ETF1: variants seen among roughly 807,000 people sequenced by gnomAD.
ETF1 encodes eukaryotic translation termination factor 1, also known as eukaryotic peptide chain release factor subunit 1.
In ETF1, 4 loss-of-function variants were observed where a neutral mutation model predicts 55.1. That is an observed-to-expected ratio of 0.07 (90% CI 0.04 to 0.17). ETF1 has a LOEUF of 0.17. ETF1 is among the 10% of genes least tolerant of loss of function. The pLI is 1.00. For missense variants in ETF1, 142 were observed against 523.6 expected (o/e 0.27, Z 7.11); for synonymous variants, 157 against 182.3 (o/e 0.86, Z 1.12).
intron 2 of ETF1, chr5:138,541,594 T>G (rs368283209): frequency 6.5e-7 from 1 of 1,531,538 alleles, no homozygotes; most frequent in Admixed American, 2.0e-5. Flanking sequence ...TTGGAGGGGC[T>G]GTCATTCTAA....
chr5:138,540,243 T>C (rs567268150), intron 2 of ETF1, among the ~76,000 whole-genome samples: 3 of 152,148 alleles, frequency 2.0e-5, no homozygotes, highest in Non-Finnish European at 4.4e-5. Flanking sequence ...GAAAGGGCTT[T>C]TTCATTTCCA....
intron 2 of ETF1, among the ~76,000 whole-genome samples, chr5:138,535,315 G>A (rs1765873714): frequency 7.0e-6 from 1 of 143,710 alleles, no homozygotes. Context: ...TGGGGAAACT[G>A]AAGCCCATGG....
At chr5:138,518,964 A>T (rs556703632) in intron 2 of ETF1, 97 bp from the exon 3 acceptor site, 2 of 1,550,028 alleles carry the variant, frequency 1.3e-6, no homozygotes, top group South Asian at 2.5e-5. Flanking sequence ...GATGCCCCAA[A>T]GTTATGGAAA....
chr5:138,542,758 A>G, intron 2 of ETF1, 75 bp downstream of exon 2: 2 of 1,579,022 alleles, frequency 1.3e-6, no homozygotes, highest in South Asian at 2.3e-5. Flanking sequence ...TCATCCGGCC[A>G]TGCGGCGCGG....
Position 138,518,759 on chromosome 5 carries a change from T to C in ETF1, c.195A>G (p.Arg65=). ...EFGTASNIKS[R]VNRLSVLGAI... is the part of the protein sequence containing the mutation. ...CTCCCAGGACTGAAAGGCGGTTTAC[T>C]CGTGACTTAATGTTAGATGCAGTTC... is the stretch of plus-strand genomic sequence containing the variant. Residue 65 remains arginine, a synonymous_variant, in exon 3 of 11, where the codon CGA becomes CGG. Coordinates refer to ENST00000360541, the MANE Select transcript of ETF1 (RefSeq NM_004730.4). 1 of 1,614,022 alleles carries C rather than the reference T, an allele frequency of 6.2e-7. No homozygotes were observed. Among genetic ancestry groups the C allele is most frequent in the Non-Finnish European group, 8.5e-7 (1 of 1,179,830 alleles).
chr5:138,523,143 C>T (rs867895366), intron 2 of ETF1, among the ~76,000 whole-genome samples: 2 of 151,414 alleles, frequency 1.3e-5, no homozygotes, highest in African/African-American at 2.4e-5. Context: ...CCAAGGTGGG[C>T]GGATCACGAG....
intron 9 of ETF1, among the ~76,000 whole-genome samples, chr5:138,509,423 C>T (rs1269205710): frequency 3.9e-5 from 6 of 152,150 alleles, no homozygotes; most frequent in Non-Finnish European, 8.8e-5. Context: ...GAAATGTTTT[C>T]CTGATTGCTT....
intron 2 of ETF1, among the ~76,000 whole-genome samples, chr5:138,519,814 A>C (rs1334423966): frequency 6.6e-6 from 1 of 152,166 alleles, no homozygotes; most frequent in African/African-American, 2.4e-5. Context: ...GAACTAAAAA[A>C]CGGGACCAAA....
chr5:138,514,566 T>C (rs2127074694), intron 4 of ETF1, among the ~76,000 whole-genome samples: 1 of 149,304 alleles, frequency 6.7e-6, no homozygotes, highest in African/African-American at 2.5e-5. Context: ...TTTAACTTGT[T>C]CCTTTTTTTT....
chr5:138,517,949 CCCAGCACTCTGGGA>C, intron 3 of ETF1: 1 of 936,414 alleles, frequency 1.1e-6, no homozygotes, highest in Non-Finnish European at 1.3e-6. Flanking sequence ...CGCCTGTAAT[CCCAGCACTCTGGGA>C]GGCCGAGGTA....
chr5:138,511,050 G>A lies in ETF1; in HGVS notation c.1013C>T (p.Thr338Ile), dbSNP rs1764754723. The A allele has an allele frequency of 6.2e-7, 1 of 1,612,880 alleles. No individual in the cohort carries two copies. The highest frequency in any genetic ancestry group is 8.5e-7 in the Non-Finnish European group (1 of 1,179,050). The change falls in exon 8 of 11, where the codon ACA becomes ATA. Residue 338 changes from threonine (T) to isoleucine (I), a missense_variant. Physicochemically the swap from Thr to Ile is moderately conservative, Grantham distance 89. Coordinates refer to ENST00000360541, the MANE Select transcript of ETF1 (RefSeq NM_004730.4). ...TTATTTTCTAATTCTCATACCTTCTGTGCCTTGGCAATGAAGAACATATCT... is the reference window on the plus strand; with the variant it reads ...TTATTTTCTAATTCTCATACCTTCTATGCCTTGGCAATGAAGAACATATCT... ...IMRYVLHCQG[T>I]EEEKILYLTP...
At chr5:138,521,586 G>A (rs1335880829) in intron 2 of ETF1, among the ~76,000 whole-genome samples, 1 of 152,056 alleles carries the variant, frequency 6.6e-6, no homozygotes, top group Non-Finnish European at 1.5e-5. Context: ...GAGTGCAGTG[G>A]CACCATCTCA....
chr5:138,530,872 C>T (rs765244536), intron 2 of ETF1, among the ~76,000 whole-genome samples: 1 of 152,180 alleles, frequency 6.6e-6, no homozygotes, highest in Non-Finnish European at 1.5e-5. Context: ...GCCTCAAATA[C>T]GCAAGATTCT....
Position 138,543,072 on chromosome 5 carries a change from C to T in ETF1, c.-19+25G>A, listed in dbSNP as rs140246937. On this transcript the variant is annotated intron_variant, in intron 1 of 10. Coordinates refer to ENST00000360541, the MANE Select transcript of ETF1 (RefSeq NM_004730.4). ...CGGTGCAGCTCGCCACAAAGGTCACCGGCCTTTCCCTCCCTGTGCCTTACC... is the reference window on the plus strand; with the variant it reads ...CGGTGCAGCTCGCCACAAAGGTCACTGGCCTTTCCCTCCCTGTGCCTTACC... The T allele has an allele frequency of 9.9e-3, 7,275 of 732,614 alleles. 95 individuals are homozygous for T. Among genetic ancestry groups the T allele is most frequent in the Middle Eastern group, 0.032 (93 of 2,890 alleles). The allele number at this position is 732,614 out of a possible 1,614,324, so 45.4% of individuals were successfully genotyped here.
chr5:138,521,535 TA>T (rs1765233050), intron 2 of ETF1, among the ~76,000 whole-genome samples: 2 of 152,194 alleles, frequency 1.3e-5, no homozygotes, highest in African/African-American at 4.8e-5. Flanking sequence ...CTTATTTATT[TA>T]TTTTTTTTAG....
At chr5:138,542,957 C>A (rs772452156) in intron 1 of ETF1, 21 bp from the exon 2 acceptor site, 6 of 1,609,254 alleles carry the variant, frequency 3.7e-6, no homozygotes, top group Non-Finnish European at 5.1e-6. Flanking sequence ...CCGGCGGGGC[C>A]CGGAGACACC....
At chr5:138,540,682 C>T (rs1341680904) in intron 2 of ETF1, among the ~76,000 whole-genome samples, 1 of 152,152 alleles carries the variant, frequency 6.6e-6, no homozygotes, top group African/African-American at 2.4e-5. Context: ...AGCGGAAGGT[C>T]CTCCAGCTAT....
intron 2 of ETF1, among the ~76,000 whole-genome samples, chr5:138,530,423 G>A (rs1000893736): frequency 6.6e-6 from 1 of 151,176 alleles, no homozygotes; most frequent in African/African-American, 2.4e-5. Context: ...GGATACAGGC[G>A]CCCACTACCA....
In ETF1 at chr5:138,531,091, T is replaced by C. The variant is rs182153258; in HGVS notation, c.86+11742A>G. On this transcript the variant is annotated intron_variant, in intron 2 of 10. Coordinates refer to ENST00000360541, the MANE Select transcript of ETF1 (RefSeq NM_004730.4). ...GTTGGAAACTTAATCCCCACTGCAA[T>C]AGTATTGAAAGGTGGGGCATATGGA... Among the ~76,000 whole-genome samples the C allele has an allele frequency of 3.4e-3, 523 of 152,256 alleles. 5 individuals are homozygous for C. The highest frequency in any genetic ancestry group is 0.012 in the African/African-American group (488 of 41,544).
Sources: gnomAD v4.1 joint callset for allele counts (sites outside exome capture counted in the v4.1 genomes callset) on GRCh38, gnomAD v4.1.1 for gene constraint, MANE v1.5 for transcripts, NCBI Gene and HGNC (gene_info 2026-07-23, HGNC 2026-07-21) for gene names.